RPS6KA1: variants seen among roughly 807,000 people sequenced by gnomAD.
RPS6KA1 encodes ribosomal protein S6 kinase A1.
In RPS6KA1, 48 loss-of-function variants were observed where a neutral mutation model predicts 91.3. The ratio of observed to expected loss-of-function variants is 0.53; its 90% CI spans 0.42 to 0.67. The LOEUF (loss-of-function observed/expected upper bound fraction) is 0.67. RPS6KA1 is among the 30% of genes least tolerant of loss of function. RPS6KA1 has a pLI of 0.00. For missense variants in RPS6KA1, 719 were observed against 960.5 expected (o/e 0.75, Z 3.32); for synonymous variants, 359 against 384.7 (o/e 0.93, Z 0.78).
Position 26,547,025 on chromosome 1 carries a change from G to T in RPS6KA1, c.225+42G>T. The T allele has an allele frequency of 6.3e-7, 1 of 1,576,062 alleles. No individual in the cohort carries two copies. The highest frequency in any genetic ancestry group is 8.7e-7 in the Non-Finnish European group (1 of 1,145,800). On this transcript the variant is annotated intron_variant, in intron 3 of 21. Coordinates refer to ENST00000374168, the MANE Select transcript of RPS6KA1 (RefSeq NM_002953.4). The surrounding 1 kb of genome is among the most constrained non-coding windows in gnomAD (Gnocchi z 4.1). ...TAGCTGTGAAGGCAACACTCGTCAT[G>T]TTAGAGGTGGGGGTCAAGGGTCACC...
In RPS6KA1 at chr1:26,536,264, G is replaced by A. The variant is rs575366128; in HGVS notation, c.64-661G>A. On this transcript the variant is annotated intron_variant, in intron 1 of 21. Transcript: ENST00000374168. ...GAGCAGCTGTTAGCCCCAAGCCCTC[G>A]TCTCTGCCCTCGTGGGACTCCCCAT... Among the ~76,000 whole-genome samples the A allele has an allele frequency of 1.6e-4, 24 of 151,712 alleles. 1 individual carries two copies. In the South Asian group the frequency reaches 4.2e-3, roughly 26 times the overall value.
Position 26,553,507 on chromosome 1 carries a change from G to C in RPS6KA1, c.575+10G>C. 1.9e-6 allele frequency: 3 copies of C among 1,586,360 alleles called. No individual in the cohort carries two copies. Among genetic ancestry groups the C allele is most frequent in the Non-Finnish European group, 2.6e-6 (3 of 1,157,146 alleles). ...ACCTCAAGCCTGAGAAGTGAGTGAA[G>C]CCTCCAGCCCCACCCCAGCCTCCCC... On this transcript the variant is annotated intron_variant, in intron 7 of 21. Transcript: ENST00000374168.
rs778804347 is a variant in RPS6KA1, at chr1:26,571,655, G to A, written c.1752+45G>A. 6.3e-7 allele frequency: 1 copy of A among 1,599,200 alleles called. No homozygotes were observed. The highest frequency in any genetic ancestry group is 8.5e-7 in the Non-Finnish European group (1 of 1,171,390). Reference sequence around the variant, plus strand: ...CAGCTGTAAGAGTGAGGGGGAATTGGAGGCCTTGTGCCCCCTCCCAGAGGC... The same window carrying A: ...CAGCTGTAAGAGTGAGGGGGAATTGAAGGCCTTGTGCCCCCTCCCAGAGGC... On this transcript the variant is annotated intron_variant, in intron 18 of 21. Coordinates refer to ENST00000374168, the MANE Select transcript of RPS6KA1 (RefSeq NM_002953.4). The surrounding 1 kb of genome is among the most constrained non-coding windows in gnomAD (Gnocchi z 5.1).
intron 2 of RPS6KA1, 78 bp downstream of exon 2, chr1:26,537,047 T>C: frequency 6.9e-5 from 103 of 1,487,010 alleles, no homozygotes; most frequent in African/African-American, 1.4e-5. Context: ...GGTTGAGGGC[T>C]CCAGCCTCTA....
chr1:26,561,938 C>T lies in RPS6KA1; in HGVS notation c.1590+275C>T, dbSNP rs1191512706. Among the ~76,000 whole-genome samples the T allele has an allele frequency of 2.0e-5, 3 of 152,178 alleles. No individual in the cohort carries two copies. Among genetic ancestry groups the T allele is most frequent in the Non-Finnish European group, 4.4e-5 (3 of 68,032 alleles). ...AGTTTCCAGACCAGGCATGGTAGCT[C>T]ACGCCTGTAATCCCAGCAACTTGGG... On this transcript the variant is annotated intron_variant, in intron 17 of 21. Coordinates refer to ENST00000374168, the MANE Select transcript of RPS6KA1 (RefSeq NM_002953.4). This position sits in a 1 kb window ranked among gnomAD's most constrained non-coding sequence, Gnocchi z 5.7.
rs2076245057 is a variant in RPS6KA1, at chr1:26,571,048, G to A, written c.1591-401G>A. The stretch of plus-strand genomic sequence containing the variant: ...GAGGCAGGAGAATTGCTTGAACCCG[G>A]GAGGCGGAGGCTGCAGTGATCTGAG... On this transcript the variant is annotated intron_variant, in intron 17 of 21. Coordinates refer to ENST00000374168, the MANE Select transcript of RPS6KA1 (RefSeq NM_002953.4). The surrounding 1 kb of genome is among the most constrained non-coding windows in gnomAD (Gnocchi z 5.1). Among the ~76,000 whole-genome samples, 1 of 152,108 alleles carries A rather than the reference G, an allele frequency of 6.6e-6. No individual in the cohort carries two copies. The highest frequency in any genetic ancestry group is 6.5e-5 in the Admixed American group (1 of 15,274).
rs1173309508 is a variant in RPS6KA1 at position 26,554,353 on chromosome 1, G to T, written c.613+102G>T. 7.6e-7 allele frequency: 1 copy of T among 1,315,096 alleles called. No homozygotes were observed. The highest frequency in any genetic ancestry group is 1.1e-6 in the Non-Finnish European group (1 of 952,066). The allele number at this position is 1,315,096 out of a possible 1,614,324, so 81.5% of individuals were successfully genotyped here. Reference sequence around the variant, plus strand: ...GGGGGCTCATTCTTCCCGAGAAGCCGTGCCAGTTACTTGGAAGTGGTCAAA... The same window carrying T: ...GGGGGCTCATTCTTCCCGAGAAGCCTTGCCAGTTACTTGGAAGTGGTCAAA... On this transcript the variant is annotated intron_variant, in intron 8 of 21. Coordinates refer to ENST00000374168, the MANE Select transcript of RPS6KA1 (RefSeq NM_002953.4). This position sits in a 1 kb window ranked among gnomAD's most constrained non-coding sequence, Gnocchi z 4.6.
chr1:26,560,041 C>T (rs953773812), intron 14 of RPS6KA1, among the ~76,000 whole-genome samples: 2 of 152,180 alleles, frequency 1.3e-5, no homozygotes, highest in Non-Finnish European at 2.9e-5. Context: ...GCCTGGGCAA[C>T]AGCGTAAGAC....
At chr1:26,542,965 C>G in intron 2 of RPS6KA1, 1 of 559,216 alleles carries the variant, frequency 1.8e-6, no homozygotes, top group South Asian at 2.4e-5. Context: ...CTGGGCCTTC[C>G]CTGGGGTCAT....
At chr1:26,548,728 G>A (rs528154542) in intron 4 of RPS6KA1, among the ~76,000 whole-genome samples, 39 of 152,084 alleles carry the variant, frequency 2.6e-4, no homozygotes, top group African/African-American at 9.2e-4. Flanking sequence ...GAACCCAGGA[G>A]GTGGAGATTG....
intron 2 of RPS6KA1, among the ~76,000 whole-genome samples, chr1:26,544,388 G>T (rs1197996571): frequency 6.6e-6 from 1 of 151,756 alleles, no homozygotes. Context: ...TCTGCCTGTT[G>T]GATACCTGTC....
intron 4 of RPS6KA1, among the ~76,000 whole-genome samples, chr1:26,549,328 T>C (rs550153762): frequency 1.3e-5 from 2 of 152,062 alleles, no homozygotes; most frequent in Non-Finnish European, 2.9e-5. Context: ...CCCAGCACTT[T>C]GGGAGGCCAA....
At chr1:26,545,932 G>A (rs563720508) in intron 2 of RPS6KA1, 20 of 1,593,890 alleles carry the variant, frequency 1.3e-5, no homozygotes, top group Middle Eastern at 1.9e-4. Flanking sequence ...CCCCGTCTGC[G>A]GCTCTGGGCC....
rs1326279149 is a variant in RPS6KA1 at position 26,561,671 on chromosome 1, T to G, written c.1590+8T>G. Reference sequence around the variant, plus strand: ...TATCTGCACTCACAGGGGGTGAGTCTGGATTCGGGGAGGCAGTAGGGGGAT... The same window carrying G: ...TATCTGCACTCACAGGGGGTGAGTCGGGATTCGGGGAGGCAGTAGGGGGAT... On this transcript the variant is annotated splice_region_variant and intron_variant, in intron 17 of 21. Coordinates refer to ENST00000374168, the MANE Select transcript of RPS6KA1 (RefSeq NM_002953.4). The surrounding 1 kb of genome is among the most constrained non-coding windows in gnomAD (Gnocchi z 5.7). 1 of 1,589,666 alleles carries G rather than the reference T, an allele frequency of 6.3e-7. No homozygotes were observed. The highest frequency in any genetic ancestry group is 1.1e-5 in the South Asian group (1 of 87,322).
At chr1:26,565,208 T>C (rs2076188916) in intron 17 of RPS6KA1, among the ~76,000 whole-genome samples, 1 of 152,040 alleles carries the variant, frequency 6.6e-6, no homozygotes, top group South Asian at 2.1e-4. Context: ...GAGTGGATCC[T>C]CTGGGTTGGT....
At chr1:26,557,598 T>C (rs1342623038) in intron 13 of RPS6KA1, among the ~76,000 whole-genome samples, 1 of 152,114 alleles carries the variant, frequency 6.6e-6, no homozygotes, top group African/African-American at 2.4e-5. Flanking sequence ...AACCCACTCA[T>C]TCCCTGGGGT....
chr1:26,571,386 C>A lies in RPS6KA1; in HGVS notation c.1591-63C>A. On this transcript the variant is annotated intron_variant, in intron 17 of 21. Transcript: ENST00000374168. The surrounding 1 kb of genome is among the most constrained non-coding windows in gnomAD (Gnocchi z 5.1). ...TCTGTGTAGCTTTCTAATCTCTGGCCGCTGACCTGGGCCACTAGCCACCTC... is the reference window on the plus strand; with the variant it reads ...TCTGTGTAGCTTTCTAATCTCTGGCAGCTGACCTGGGCCACTAGCCACCTC... 6.5e-7 allele frequency: 1 copy of A among 1,533,450 alleles called. No individual in the cohort carries two copies. Among genetic ancestry groups the A allele is most frequent in the Non-Finnish European group, 9.0e-7 (1 of 1,112,412 alleles). 95.0% of individuals were successfully genotyped at this position (1,533,450 alleles called of 1,614,324 possible).
At position 26,558,371 on chromosome 1, in the gene RPS6KA1, C is replaced by T. The variant is rs1465926116; in HGVS notation, c.1085-436C>T. On this transcript the variant is annotated intron_variant, in intron 13 of 21. Coordinates refer to ENST00000374168, the MANE Select transcript of RPS6KA1 (RefSeq NM_002953.4). This position sits in a 1 kb window ranked among gnomAD's most constrained non-coding sequence, Gnocchi z 4.0. ...ATGGAGAGAGAGGAGGTGAGGATCA[C>T]AGGGCCCTCAATTGCCAGACTCAGG... Among the ~76,000 whole-genome samples the T allele has an allele frequency of 6.6e-6, 1 of 152,162 alleles. No individual in the cohort carries two copies. Among genetic ancestry groups the T allele is most frequent in the Non-Finnish European group, 1.5e-5 (1 of 68,016 alleles).
chr1:26,554,757 G>A lies in RPS6KA1; in HGVS notation c.756+19G>A, dbSNP rs200236851. On this transcript the variant is annotated intron_variant, in intron 9 of 21. Coordinates refer to ENST00000374168, the MANE Select transcript of RPS6KA1 (RefSeq NM_002953.4). The surrounding 1 kb of genome is among the most constrained non-coding windows in gnomAD (Gnocchi z 4.6). ...GTTGATGGTGAGTGCCCAGACAGGG[G>A]TAAAGGATCCAGCCCAAGCCTCTGG... is the stretch of plus-strand genomic sequence containing the variant. 4 of 1,586,702 alleles carry A rather than the reference G, an allele frequency of 2.5e-6. No individual in the cohort carries two copies. The highest frequency in any genetic ancestry group is 3.4e-6 in the Non-Finnish European group (4 of 1,160,318).
Sources: gnomAD v4.1 joint callset for allele counts (sites outside exome capture counted in the v4.1 genomes callset) on GRCh38, gnomAD v4.1.1 for gene constraint, Gnocchi (gnomAD v3.1) non-coding constraint, MANE v1.5 for transcripts, NCBI Gene and HGNC (gene_info 2026-07-23, HGNC 2026-07-21) for gene names.